Variants in LCN12 observed in about 807,000 individuals in gnomAD.
The protein encoded by LCN12 is epididymal-specific lipocalin-12.
In LCN12, 15 loss-of-function variants were observed where a neutral mutation model predicts 23.7. The ratio of observed to expected loss-of-function variants is 0.63; its 90% CI spans 0.42 to 0.97. The LOEUF is 0.97. Among genes scored for constraint, LCN12 ranks in the 50% least tolerant of loss-of-function variants. The pLI is 0.00. For missense variants in LCN12, 219 were observed against 249.6 expected (o/e 0.88, Z 0.83); for synonymous variants, 116 against 111.5 (o/e 1.04, Z -0.25).
chr9:136,953,651 G>T, intron 2 of LCN12, 49 bp from the exon 3 acceptor site: 1 of 1,425,648 alleles, frequency 7.0e-7, no homozygotes, highest in South Asian at 1.4e-5. Context: ...CCTCAGCATG[G>T]ACCTGCCAGC....
chr9:136,950,940 C>G (rs1462465716), upstream of LCN12, among the ~76,000 whole-genome samples: 1 of 142,288 alleles, frequency 7.0e-6, no homozygotes, highest in Non-Finnish European at 1.6e-5. Flanking sequence ...GCCTAAGTCC[C>G]TTGTAAGCAG....
At chr9:136,951,093 C>T (rs981952378), upstream of LCN12, among the ~76,000 whole-genome samples, 5 of 139,074 alleles carry the variant, frequency 3.6e-5, no homozygotes, top group East Asian at 1.9e-4. Context: ...CCTTGGTGAC[C>T]CCTAACATGG....
Position 136,954,258 on chromosome 9 carries a change from A to G in LCN12, c.550+3A>G. On this transcript the variant is annotated splice_donor_region_variant and intron_variant, in intron 5 of 5. Coordinates refer to ENST00000371633, the MANE Select transcript of LCN12 (RefSeq NM_178536.4). ...CATCGTCTTCCCAGATGTGACTGGTAACATGGTTCACCTGCAGGCATGCTG... is the reference window on the plus strand; with the variant it reads ...CATCGTCTTCCCAGATGTGACTGGTGACATGGTTCACCTGCAGGCATGCTG... 1.3e-6 allele frequency: 2 copies of G among 1,562,452 alleles called. No individual in the cohort carries two copies. The highest frequency in any genetic ancestry group is 1.7e-6 in the Non-Finnish European group (2 of 1,152,846).
chr9:136,954,283 G>C, intron 5 of LCN12, 28 bp downstream of exon 5: 1 of 1,553,788 alleles, frequency 6.4e-7, no homozygotes, highest in Non-Finnish European at 8.7e-7. Flanking sequence ...CAGGCATGCT[G>C]GGCAGTAGGC....
In LCN12 at chr9:136,954,916, G is replaced by A. The variant is rs970924922; in HGVS notation, c.551-455G>A. 6.7e-5 allele frequency: 82 copies of A among 1,229,996 alleles called. No homozygotes were observed. In the African/African-American group the frequency reaches 1.1e-3, roughly 17 times the overall value. The allele number at this position is 1,229,996 out of a possible 1,614,324, so 76.2% of individuals were successfully genotyped here. ...GTCCTTTACATGTGCATAACCACAT[G>A]CACACACACTCACGCATGAGCAAAC... On this transcript the variant is annotated intron_variant, in intron 5 of 5. Transcript: ENST00000371633.
At chr9:136,954,550 C>G in intron 5 of LCN12, 1 of 467,134 alleles carries the variant, frequency 2.1e-6, no homozygotes, top group Non-Finnish European at 4.1e-6. Context: ...GCCCCTCCCG[C>G]CCCAGGTCCC....
chr9:136,949,226 A>G (rs996918551), upstream of LCN12, among the ~76,000 whole-genome samples: 4 of 152,208 alleles, frequency 2.6e-5, no homozygotes, highest in African/African-American at 9.7e-5. Context: ...GTGAGACCTC[A>G]TCTCTATTTA....
At chr9:136,950,317 A>C (rs993013908), upstream of LCN12, among the ~76,000 whole-genome samples, 2 of 151,736 alleles carry the variant, frequency 1.3e-5, no homozygotes, top group African/African-American at 4.8e-5. Flanking sequence ...GCACACACAG[A>C]CCCCCCAGGG....
At chr9:136,953,663 T>A (rs769614652) in intron 2 of LCN12, 37 bp from the exon 3 acceptor site, 2 of 1,478,988 alleles carry the variant, frequency 1.4e-6, no homozygotes, top group South Asian at 1.3e-5. Context: ...CCTGCCAGCT[T>A]CCGGAGCCTT....
chr9:136,952,688 C>T (rs1001586424), intron 1 of LCN12: 12 of 652,796 alleles, frequency 1.8e-5, no homozygotes, highest in Non-Finnish European at 2.1e-5. Context: ...TCGGGAAGGC[C>T]GCACAGCCAC....
At chr9:136,954,513 G>T (rs755558688) in intron 5 of LCN12, 14 of 525,746 alleles carry the variant, frequency 2.7e-5, no homozygotes, top group South Asian at 1.7e-4. Context: ...CCCGCCCCAG[G>T]TCCCCTGTCC....
In LCN12 at chr9:136,953,877, G is replaced by A. The variant is rs1851240935; in HGVS notation, c.361G>A (p.Val121Met). ...EPGADREETR[V>M]VDSDYTQFAL... ...CGGGGCGGACAGAGAGGAGACCCGG[G>A]TGGTGGACAGCGACTACACCCAGTT... Residue 121 changes from valine (V) to methionine (M), a missense_variant, in exon 4 of 6, where the codon GTG becomes ATG. By Grantham distance (21) the Val-to-Met change is conservative. Coordinates refer to ENST00000371633, the MANE Select transcript of LCN12 (RefSeq NM_178536.4). The A allele has an allele frequency of 1.9e-6, 3 of 1,606,502 alleles. No homozygotes were observed. Among genetic ancestry groups the A allele is most frequent in the Non-Finnish European group, 2.5e-6 (3 of 1,177,206 alleles).
At chr9:136,954,089 C>T (rs1851250013) in intron 4 of LCN12, 65 bp from the exon 5 acceptor site, 1 of 1,514,972 alleles carries the variant, frequency 6.6e-7, no homozygotes, top group Non-Finnish European at 8.9e-7. Flanking sequence ...GTTCAATCTC[C>T]CACCTACCCA....
upstream of LCN12, among the ~76,000 whole-genome samples, chr9:136,950,207 G>C (rs902321543): frequency 6.6e-6 from 1 of 152,240 alleles, no homozygotes; most frequent in African/African-American, 2.4e-5. Context: ...CCCGCGGTGG[G>C]GGGAGGAGGC....
At chr9:136,949,981 G>A (rs1665175225), upstream of LCN12, among the ~76,000 whole-genome samples, 4 of 151,932 alleles carry the variant, frequency 2.6e-5, no homozygotes, top group Admixed American at 2.0e-4. Context: ...GCCGCGCCCG[G>A]CCCGCCCACC....
intron 1 of LCN12, 171 bp downstream of exon 1, chr9:136,952,612 T>A: frequency 1.6e-6 from 1 of 633,024 alleles, no homozygotes; most frequent in Admixed American, 2.9e-5. Context: ...GCGCAGACCT[T>A]CCTGGCACCC....
chr9:136,956,096 TGTC>T (rs1851314452), downstream of LCN12, among the ~76,000 whole-genome samples: 2 of 152,114 alleles, frequency 1.3e-5, no homozygotes, highest in South Asian at 4.2e-4. Flanking sequence ...CCCTGCAAGA[TGTC>T]TGTATTCGGA....
intron 4 of LCN12, 54 bp from the exon 5 acceptor site, chr9:136,954,100 G>A: frequency 6.6e-7 from 1 of 1,515,392 alleles, no homozygotes; most frequent in Non-Finnish European, 8.9e-7. Flanking sequence ...CACCTACCCA[G>A]CCCCCAACCC....
chr9:136,955,333 C>T, intron 5 of LCN12, 38 bp from the exon 6 acceptor site: 7 of 1,606,960 alleles, frequency 4.4e-6, no homozygotes, highest in South Asian at 1.1e-5. Flanking sequence ...CCCCTGCTCC[C>T]CCTTTGTCCT....
Sources: gnomAD v4.1 joint callset for allele counts (sites outside exome capture counted in the v4.1 genomes callset) on GRCh38, gnomAD v4.1.1 for gene constraint, MANE v1.5 for transcripts, NCBI Gene and HGNC (gene_info 2026-07-23, HGNC 2026-07-21) for gene names.